C2orf76: variants seen among roughly 807,000 people sequenced by gnomAD.
The protein encoded by C2orf76 is chromosome 2 open reading frame 76, also known as UPF0538 protein C2orf76.
C2orf76 carries 23 observed loss-of-function variants against 16.9 expected under a neutral mutation model. That is an observed-to-expected ratio of 1.36 (90% confidence interval 0.98 to 1.93). The LOEUF is 1.93. Ranked by LOEUF, C2orf76 falls within the 30% of genes most tolerant of loss-of-function variation. C2orf76 has a pLI of 0.00. For synonymous variants in C2orf76, 48 were observed against 52.3 expected, an observed-to-expected ratio of 0.92 and a Z score of 0.35; for missense variants, 152 against 152.6, an observed-to-expected ratio of 1.00 and a Z score of 0.02.
chr2:119,363,755 G>A (rs962178445), intron 1 of C2orf76, among the ~76,000 whole-genome samples: 1 of 152,206 alleles, frequency 6.6e-6, no homozygotes, highest in African/African-American at 2.4e-5. Flanking sequence ...GCGAGGCACA[G>A]TGGCTTAGGC....
At chr2:119,311,359 T>C (rs1394031366) in intron 5 of C2orf76, 1 of 985,320 alleles carries the variant, frequency 1.0e-6, no homozygotes, top group African/African-American at 1.7e-5. Flanking sequence ...TCACTTAAAA[T>C]GACCCTCAGG....
intron 5 of C2orf76, among the ~76,000 whole-genome samples, chr2:119,310,717 T>C (rs978069434): frequency 2.6e-5 from 4 of 151,942 alleles, no homozygotes; most frequent in African/African-American, 7.3e-5. Flanking sequence ...ACTAAAAAAA[T>C]ACAAAAATTA....
chr2:119,350,314 G>A (rs1057470396), intron 1 of C2orf76, among the ~76,000 whole-genome samples: 9 of 152,042 alleles, frequency 5.9e-5, no homozygotes, highest in African/African-American at 1.7e-4. Context: ...ATATATGTTA[G>A]ATTTAATGTA....
intron 1 of C2orf76, among the ~76,000 whole-genome samples, chr2:119,347,834 T>G (rs1394053349): frequency 1.3e-5 from 2 of 152,174 alleles, no homozygotes; most frequent in African/African-American, 2.4e-5. Flanking sequence ...CTTCATCCAC[T>G]TTCCCCCACT....
intron 4 of C2orf76, among the ~76,000 whole-genome samples, chr2:119,315,949 A>T (rs1462489800): frequency 6.6e-6 from 1 of 152,224 alleles, no homozygotes; most frequent in African/African-American, 2.4e-5. Flanking sequence ...CTCCACTAAG[A>T]TAAAGGAATA....
At chr2:119,289,806 C>G in the C2orf76 span, among the ~76,000 whole-genome samples, 1 of 151,892 alleles carries the variant, frequency 6.6e-6, no homozygotes, top group Non-Finnish European at 1.5e-5. Flanking sequence ...AGGCCCCGCT[C>G]GTAGCCCCAA....
downstream of C2orf76, among the ~76,000 whole-genome samples, chr2:119,299,034 G>A (rs1207533896): frequency 2.0e-5 from 3 of 151,942 alleles, no homozygotes; most frequent in Middle Eastern, 3.4e-3. Context: ...TCCCACCTCC[G>A]CCTCCCAAGT....
At position 119,314,014 on chromosome 2, in the gene C2orf76, G is replaced by GTTTTT. The variant is rs368623211; in HGVS notation, c.223-2316_223-2312dup. On this transcript the variant is annotated intron_variant, in intron 4 of 5. Transcript: ENST00000334816. ...CATTTGTTCCTTGCTTTTCTCAGTG[G>GTTTTT]TTTTTTTTTTTTTTTTTTTTTTTAC... is the stretch of plus-strand genomic sequence containing the variant. Among the ~76,000 whole-genome samples the GTTTTT allele has an allele frequency of 2.4e-3, 209 of 86,120 alleles. 4 individuals carry two copies. The highest frequency in any genetic ancestry group is 5.5e-3 in the African/African-American group (110 of 20,006). The allele number at this position is 86,120 out of a possible 152,430, so 56.5% of individuals were successfully genotyped here.
chr2:119,311,326 G>A, intron 5 of C2orf76: 1 of 985,448 alleles, frequency 1.0e-6, no homozygotes, highest in Non-Finnish European at 1.2e-6. Flanking sequence ...ATAAGAGTAA[G>A]TAGACGTGGT....
intron 2 of C2orf76, among the ~76,000 whole-genome samples, chr2:119,337,103 T>C (rs1679873700): frequency 6.6e-6 from 1 of 151,758 alleles, no homozygotes; most frequent in African/African-American, 2.4e-5. Flanking sequence ...TGGTCCAGAC[T>C]AGAGTGCAGT....
the C2orf76 span, among the ~76,000 whole-genome samples, chr2:119,289,361 C>A: frequency 6.6e-6 from 1 of 152,064 alleles, no homozygotes; most frequent in Non-Finnish European, 1.5e-5. Context: ...ACATCTTAGT[C>A]TGGAAGCGTC....
At chr2:119,361,791 A>T (rs1680753339) in intron 1 of C2orf76, among the ~76,000 whole-genome samples, 1 of 152,132 alleles carries the variant, frequency 6.6e-6, no homozygotes, top group Non-Finnish European at 1.5e-5. Context: ...AGGAGGGACT[A>T]CTATATTTTT....
At chr2:119,293,632 G>A in the C2orf76 span, among the ~76,000 whole-genome samples, 475 of 152,326 alleles carry the variant, frequency 3.1e-3, 2 homozygotes, top group African/African-American at 9.8e-3. Context: ...GAAGGAAGGT[G>A]ACTGCAATAG....
intron 1 of C2orf76, among the ~76,000 whole-genome samples, chr2:119,354,580 G>GT (rs1197304700): frequency 6.6e-6 from 1 of 152,122 alleles, no homozygotes; most frequent in Non-Finnish European, 1.5e-5. Flanking sequence ...CTATATGAGG[G>GT]TTAAATAACA....
At chr2:119,352,919 A>C (rs1427677827) in intron 1 of C2orf76, among the ~76,000 whole-genome samples, 1 of 152,198 alleles carries the variant, frequency 6.6e-6, no homozygotes, top group Non-Finnish European at 1.5e-5. Flanking sequence ...CAGGGCAGAG[A>C]GTCCATCACC....
chr2:119,310,567 C>T (rs1247240010), intron 5 of C2orf76, among the ~76,000 whole-genome samples: 2 of 152,266 alleles, frequency 1.3e-5, no homozygotes, highest in East Asian at 3.9e-4. Flanking sequence ...AAAATTCAGG[C>T]TCCCAATGTG....
chr2:119,306,748 T>A (rs1678799879), intron 5 of C2orf76, among the ~76,000 whole-genome samples: 2 of 150,042 alleles, frequency 1.3e-5, no homozygotes, highest in South Asian at 4.3e-4. Flanking sequence ...ACTGATCAAA[T>A]CTTTTTGAAG....
the C2orf76 span, among the ~76,000 whole-genome samples, chr2:119,284,191 C>T: frequency 6.6e-6 from 1 of 152,184 alleles, no homozygotes; most frequent in Non-Finnish European, 1.5e-5. Flanking sequence ...TTCACATCCT[C>T]CCAATCGTCA....
the C2orf76 span, among the ~76,000 whole-genome samples, chr2:119,290,809 G>A: frequency 6.6e-6 from 1 of 152,070 alleles, no homozygotes; most frequent in Non-Finnish European, 1.5e-5. Context: ...CAGCCTGGGC[G>A]ACAGAGTGAG....
Sources: allele counts gnomAD v4.1 joint callset (sites outside exome capture counted in the v4.1 genomes callset), GRCh38; gene constraint gnomAD v4.1.1; transcripts MANE v1.5; gene names NCBI Gene and HGNC (gene_info 2026-07-23, HGNC 2026-07-21).